Variants in MKS1 observed in about 807,000 individuals in gnomAD.
The protein encoded by MKS1 is MKS transition zone complex subunit 1.
In MKS1, 70 loss-of-function variants were observed where a neutral mutation model predicts 83.7. That is an observed-to-expected ratio of 0.84 (90% CI 0.69 to 1.02). The LOEUF is 1.02. Ranked by LOEUF, MKS1 falls within the 50% of genes least tolerant of loss-of-function variation. The pLI, the probability that MKS1 is intolerant of heterozygous loss-of-function variation, is 0.00. For missense variants in MKS1, 681 were observed against 726.9 expected (o/e 0.94, Z 0.73); for synonymous variants, 251 against 273.4 (o/e 0.92, Z 0.81).
At chr17:58,214,156 CCCT>C (rs1567802933) in intron 6 of MKS1, 100 bp downstream of exon 6, 1 of 1,551,414 alleles carries the variant, frequency 6.4e-7, no homozygotes, top group African/African-American at 1.4e-5. Context: ...AAGAAAAAGT[CCCT>C]CCCTCCCCTA....
chr17:58,206,623 A>T, intron 15 of MKS1, 76 bp from the exon 16 acceptor site: 1 of 1,385,960 alleles, frequency 7.2e-7, no homozygotes, highest in Non-Finnish European at 1.0e-6. Context: ...CCTCACCCCC[A>T]TTCTTATTCC....
intron 17 of MKS1, 39 bp from the exon 18 acceptor site, chr17:58,206,209 GTATTTCTCT>G: frequency 6.2e-7 from 1 of 1,613,998 alleles, no homozygotes; most frequent in Non-Finnish European, 8.5e-7. Flanking sequence ...CTGCCATATG[GTATTTCTCT>G]CTGCACTGCA....
intron 9 of MKS1, 166 bp from the exon 10 acceptor site, chr17:58,211,188 C>T (rs1399213457): frequency 4.6e-6 from 3 of 658,330 alleles, no homozygotes; most frequent in Non-Finnish European, 8.2e-6. Flanking sequence ...GATCTGTTTC[C>T]TTCATTCCTA....
At chr17:58,207,756 A>G (rs1216304715) in intron 14 of MKS1, 138 bp downstream of exon 14, 2 of 857,250 alleles carry the variant, frequency 2.3e-6, no homozygotes, top group Non-Finnish European at 3.8e-6. Flanking sequence ...GAAAGTCCTC[A>G]GAGGAACAGG....
At position 58,213,863 on chromosome 17, in the gene MKS1, G is replaced by T; in HGVS notation, c.651C>A (p.Gly217=). Residue 217 remains glycine, a synonymous_variant, in exon 7 of 18, where the codon GGC becomes GGA. Transcript: ENST00000393119. ...ACAGGACATGTTCATACTTCTTATA[G>T]CCAAGCCTAGAAATCAGGAAAACAC... ...MADLGPYKKL[G]YKKYEHVLCT... The T allele has an allele frequency of 6.2e-7, 1 of 1,613,174 alleles. No individual in the cohort carries two copies. The highest frequency in any genetic ancestry group is 1.1e-5 in the South Asian group (1 of 91,068).
Position 58,219,241 on chromosome 17 carries a change from ACGCGCCGCGAC to A in MKS1, c.-22_-12del. On this transcript the variant is annotated 5_prime_UTR_variant, in exon 1 of 18. Transcript: ENST00000393119. ...GACGGTCTCCGCCATGACAGCTGCG[ACGCGCCGCGAC>A]TGCGCCGGAAAGCGCGCCGCTCTGT... The A allele has an allele frequency of 3.2e-6, 5 of 1,550,040 alleles. No homozygotes were observed. Among genetic ancestry groups the A allele is most frequent in the Non-Finnish European group, 4.4e-6 (5 of 1,146,804 alleles).
rs1555596758 is a variant in MKS1 at position 58,206,384 on chromosome 17, C to T, written c.1491-4G>A. 1.9e-6 allele frequency: 3 copies of T among 1,614,120 alleles called. No individual in the cohort carries two copies. The highest frequency in any genetic ancestry group is 3.3e-4 in the Middle Eastern group (2 of 6,062). On this transcript the variant is annotated splice_region_variant and splice_polypyrimidine_tract_variant and intron_variant, in intron 16 of 17. Coordinates refer to ENST00000393119, the MANE Select transcript of MKS1 (RefSeq NM_017777.4). ...GGAGCTCGATTCCATGAAGGCCCTG[C>T]AGGGAGGCCAGCCACATGGTTACGG... is the stretch of plus-strand genomic sequence containing the variant.
chr17:58,213,916 G>T, intron 6 of MKS1, 47 bp from the exon 7 acceptor site: 1 of 1,478,222 alleles, frequency 6.8e-7, no homozygotes, highest in Non-Finnish European at 9.5e-7. Context: ...GTCCTTCAGG[G>T]AAACAAGAAG....
rs552287204 is a variant in MKS1 at position 58,206,551 on chromosome 17, T to G, written c.1408-4A>C. 6.2e-7 allele frequency: 1 copy of G among 1,611,678 alleles called. No homozygotes were observed. Among genetic ancestry groups the G allele is most frequent in the East Asian group, 2.2e-5 (1 of 44,876 alleles). ...CAAAGCGGCTCAGGCGTTCCCCCTG[T>G]GGCATGCCATTGGGACAGCCTCAGG... On this transcript the variant is annotated splice_region_variant and splice_polypyrimidine_tract_variant and intron_variant, in intron 15 of 17. Transcript: ENST00000393119.
At chr17:58,218,797 G>C (rs1352420955) in intron 1 of MKS1, 68 bp from the exon 2 acceptor site, 1 of 1,382,348 alleles carries the variant, frequency 7.2e-7, no homozygotes, top group Non-Finnish European at 1.0e-6. Context: ...AAGCAAGGAT[G>C]GGGGAAACAA....
chr17:58,215,915 G>A, intron 4 of MKS1, 173 bp downstream of exon 4: 1 of 784,198 alleles, frequency 1.3e-6, no homozygotes, highest in Non-Finnish European at 2.2e-6. Context: ...ACCACCTGTA[G>A]ACTGTGCCCA....
chr17:58,206,238 A>T, intron 17 of MKS1, 45 bp downstream of exon 17: 1 of 1,613,598 alleles, frequency 6.2e-7, no homozygotes, highest in Non-Finnish European at 8.5e-7. Context: ...AGAGAGAAAC[A>T]GGCCCATGCT....
In MKS1 at chr17:58,206,485, C is replaced by T. The variant is rs1968517645; in HGVS notation, c.1470G>A (p.Leu490=). The change falls in exon 16 of 18, where the codon TTG becomes TTA. Residue 490 remains leucine, a synonymous_variant. Coordinates refer to ENST00000393119, the MANE Select transcript of MKS1 (RefSeq NM_017777.4). ...TETTGTVTFR[L]HCLQQSRAFM... The stretch of plus-strand genomic sequence containing the variant: ...CTCACCTGGACTGCTGCAGACAGTG[C>T]AAGCGGAAGGTGACAGTGCCTGTGG... 2 of 1,614,144 alleles carry T rather than the reference C, an allele frequency of 1.2e-6. No homozygotes were observed. Among genetic ancestry groups the T allele is most frequent in the Non-Finnish European group, 8.5e-7 (1 of 1,180,028 alleles).
chr17:58,218,064 C>A (rs371145268), intron 2 of MKS1, among the ~76,000 whole-genome samples: 222 of 152,324 alleles, frequency 1.5e-3, no homozygotes, highest in African/African-American at 5.2e-3. Context: ...ACATCATATG[C>A]AGATTTTGCA....
chr17:58,209,227 C>T lies in MKS1; in HGVS notation c.1025-644G>A, dbSNP rs535524169. Among the ~76,000 whole-genome samples, 35 of 152,176 alleles carry T rather than the reference C, an allele frequency of 2.3e-4. No homozygotes were observed. In the East Asian group the frequency reaches 2.5e-3, roughly 11 times the overall value. On this transcript the variant is annotated intron_variant, in intron 11 of 17. Transcript: ENST00000393119. The surrounding 1 kb of genome is among the most constrained non-coding windows in gnomAD (Gnocchi z 4.1). Reference sequence around the variant, plus strand: ...CCCAGATGGGGCGGCCGGGCAGAGGCGCTCCTCACTTCCCAGACGGGGCGG... The same window carrying T: ...CCCAGATGGGGCGGCCGGGCAGAGGTGCTCCTCACTTCCCAGACGGGGCGG...
In MKS1 at chr17:58,218,177, G is replaced by A. The variant is rs149600553; in HGVS notation, c.190+443C>T. On this transcript the variant is annotated intron_variant, in intron 2 of 17. Transcript: ENST00000393119. ...AAAATGCCACAAATAGGACGGGCGCGGTGGCTCACGCCTGTAATCCCAGCA... is the reference window on the plus strand; with the variant it reads ...AAAATGCCACAAATAGGACGGGCGCAGTGGCTCACGCCTGTAATCCCAGCA... Among the ~76,000 whole-genome samples the A allele has an allele frequency of 5.6e-3, 853 of 152,150 alleles. 5 individuals carry two copies. The highest frequency in any genetic ancestry group is 9.9e-3 in the Non-Finnish European group (670 of 67,974).
rs942354453 is a variant in MKS1 at position 58,206,053 on chromosome 17, G to T, written c.*26C>A. ...CAGATATCCCCCATCTTGTCCTCTTGCACTGTGGGCCAGGGCTGCTGTGAG... is the reference window on the plus strand; with the variant it reads ...CAGATATCCCCCATCTTGTCCTCTTTCACTGTGGGCCAGGGCTGCTGTGAG... On this transcript the variant is annotated 3_prime_UTR_variant, in exon 18 of 18. Coordinates refer to ENST00000393119, the MANE Select transcript of MKS1 (RefSeq NM_017777.4). 1.4e-5 allele frequency: 22 copies of T among 1,595,772 alleles called. No homozygotes were observed. Among genetic ancestry groups the T allele is most frequent in the Non-Finnish European group, 1.9e-5 (22 of 1,172,086 alleles).
Position 58,219,167 on chromosome 17 carries a change from G to T in MKS1, c.64C>A (p.Arg22Ser), listed in dbSNP as rs1031187314. ...EAVYRSRDPV[R>S]NLRLRVHLQR... Reference sequence around the variant, plus strand: ...TGCGACTACCGGAGGCGCAAGTTGCGCACGGGGTCCCGGGAGCGATACACT... The same window carrying T: ...TGCGACTACCGGAGGCGCAAGTTGCTCACGGGGTCCCGGGAGCGATACACT... Residue 22 changes from arginine (R) to serine (S), a missense_variant, in exon 1 of 18, where the codon CGC becomes AGC. Physicochemically the swap from Arg to Ser is moderately radical, Grantham distance 110. Coordinates refer to ENST00000393119, the MANE Select transcript of MKS1 (RefSeq NM_017777.4). The T allele has an allele frequency of 2.6e-6, 4 of 1,551,158 alleles. No individual in the cohort carries two copies. Among genetic ancestry groups the T allele is most frequent in the African/African-American group, 2.7e-5 (2 of 73,056 alleles).
chr17:58,213,894 T>A, intron 6 of MKS1, 25 bp from the exon 7 acceptor site: 9 of 1,574,858 alleles, frequency 5.7e-6, no homozygotes, highest in Non-Finnish European at 7.9e-6. Context: ...AACACCAAGG[T>A]TGAGGTCAAT....
Sources: allele counts gnomAD v4.1 joint callset (sites outside exome capture counted in the v4.1 genomes callset), GRCh38; gene constraint gnomAD v4.1.1; non-coding constraint Gnocchi (gnomAD v3.1); transcripts MANE v1.5; gene names NCBI Gene and HGNC (gene_info 2026-07-23, HGNC 2026-07-21).